Variants in SLC39A11 observed in about 807,000 individuals in gnomAD.
SLC39A11 encodes the protein solute carrier family 39 member 11, also known as zinc transporter ZIP11.
Under a neutral mutation model 36.1 loss-of-function variants are expected in SLC39A11, and 33 were observed. That is an observed-to-expected ratio of 0.91 (90% CI 0.69 to 1.22). SLC39A11 has a LOEUF of 1.22. Among genes scored for constraint, SLC39A11 ranks in the 50% most tolerant of loss-of-function variants. The pLI is 0.00. For synonymous variants in SLC39A11, 166 were observed against 170.3 expected, an observed-to-expected ratio of 0.97 and a Z score of 0.20; for missense variants, 432 against 430.3, an observed-to-expected ratio of 1.00 and a Z score of -0.03.
chr17:72,891,366 G>C lies in SLC39A11; in HGVS notation c.431-41562C>G, dbSNP rs576936064. ...AACCCGGGAGGTGATTTGGACTCTT[G>C]CTCTCCTGCCTGGACGCCCCTGCCA... On this transcript the variant is annotated intron_variant, in intron 5 of 9. Transcript: ENST00000255559. Among the ~76,000 whole-genome samples, 12 of 152,218 alleles carry C rather than the reference G, an allele frequency of 7.9e-5. No individual in the cohort carries two copies. In the South Asian group the frequency reaches 2.5e-3, roughly 32 times the overall value.
chr17:72,849,655 T>C lies in SLC39A11; in HGVS notation c.580A>G (p.Ile194Val), dbSNP rs1489842434. The C allele has an allele frequency of 3.2e-6, 5 of 1,580,632 alleles. No homozygotes were observed. In the South Asian group the frequency reaches 5.9e-5, roughly 19 times the overall value. Reference protein sequence around the residue: ...WRRIALLILAITIHNVPEGLA... With the variant: ...WRRIALLILAVTIHNVPEGLA... ...TCACCTGGAACGTTGTGTATAGTGA[T>C]GGCCAAGATGAGCAGTGCGATCCTC... The change falls in exon 6 of 10, where the codon ATC becomes GTC. Residue 194 changes from isoleucine (I) to valine (V), a missense_variant. Transcript: ENST00000255559.
chr17:72,881,965 T>A (rs1412717909), intron 5 of SLC39A11, among the ~76,000 whole-genome samples: 1 of 152,244 alleles, frequency 6.6e-6, no homozygotes, highest in Admixed American at 6.5e-5. Context: ...TCCCATGACA[T>A]CTGCTAGAGG....
rs567182168 is a variant in SLC39A11 at position 72,877,544 on chromosome 17, C to T, written c.431-27740G>A. Among the ~76,000 whole-genome samples, 8 of 152,284 alleles carry T rather than the reference C, an allele frequency of 5.3e-5. No homozygotes were observed. The South Asian group carries it at 1.7e-3, about 32-fold the overall frequency. On this transcript the variant is annotated intron_variant, in intron 5 of 9. Transcript: ENST00000255559. ...ATGCTTGATTGAAACCTACCAATTA[C>T]TTTTCCCCCCATTTGCTCATGAGAG...
chr17:72,899,635 G>A lies in SLC39A11; in HGVS notation c.430+48117C>T, dbSNP rs867214098. ...ACTGGGGAAAGGAGACAGCAGCAAG[G>A]AAAAACTCATGTAGCAGAATGCTGA... On this transcript the variant is annotated intron_variant, in intron 5 of 9. Transcript: ENST00000255559. 3.3e-4 allele frequency among the ~76,000 whole-genome samples: 51 copies of A among 152,304 alleles called. 1 individual carries two copies. The highest frequency in any genetic ancestry group is 6.8e-3 in the Middle Eastern group (2 of 292).
intron 4 of SLC39A11, among the ~76,000 whole-genome samples, chr17:72,958,633 C>T (rs2086398351): frequency 6.6e-6 from 1 of 152,136 alleles, no homozygotes; most frequent in African/African-American, 2.4e-5. Context: ...GGCATATCAC[C>T]TGGGATCAGG....
intron 6 of SLC39A11, among the ~76,000 whole-genome samples, chr17:72,797,656 C>A (rs549551562): frequency 1.3e-5 from 2 of 152,104 alleles, no homozygotes; most frequent in African/African-American, 4.8e-5. Context: ...TCGTCTAATA[C>A]CCCACTAACT....
chr17:73,034,918 G>A lies in SLC39A11; in HGVS notation c.148-3204C>T, dbSNP rs182136631. Among the ~76,000 whole-genome samples, 23 of 152,236 alleles carry A rather than the reference G, an allele frequency of 1.5e-4. No homozygotes were observed. The East Asian group carries it at 1.9e-3, about 13-fold the overall frequency. ...AATTTGGGATGCTTGCAATGCAAAC[G>A]CATCCCAGCTGATTCAGGTAAGCCC... On this transcript the variant is annotated intron_variant, in intron 3 of 9. Coordinates refer to ENST00000255559, the MANE Select transcript of SLC39A11 (RefSeq NM_139177.4).
At chr17:73,067,662 C>A (rs1443466493) in intron 3 of SLC39A11, among the ~76,000 whole-genome samples, 1 of 152,094 alleles carries the variant, frequency 6.6e-6, no homozygotes, top group African/African-American at 2.4e-5. Flanking sequence ...TAATGACCAT[C>A]TTTTATGATG....
At chr17:72,740,114 G>T (rs867369799) in intron 6 of SLC39A11, among the ~76,000 whole-genome samples, 3 of 124,484 alleles carry the variant, frequency 2.4e-5, no homozygotes, top group Non-Finnish European at 3.1e-5. Context: ...CCAGGCTGGA[G>T]TGCAGTGGCG....
At chr17:72,880,181 G>A (rs148169095) in intron 5 of SLC39A11, among the ~76,000 whole-genome samples, 64 of 152,264 alleles carry the variant, frequency 4.2e-4, no homozygotes, top group African/African-American at 1.5e-3. Context: ...ACATAGCAGG[G>A]GCTCCATGAT....
chr17:73,018,176 A>C (rs2058229411), intron 4 of SLC39A11, among the ~76,000 whole-genome samples: 1 of 152,202 alleles, frequency 6.6e-6, no homozygotes, highest in African/African-American at 2.4e-5. Flanking sequence ...GTCAGAATAA[A>C]ATCCATCACT....
intron 4 of SLC39A11, among the ~76,000 whole-genome samples, chr17:72,984,610 G>A (rs2148214439): frequency 6.6e-6 from 1 of 152,238 alleles, no homozygotes; most frequent in East Asian, 1.9e-4. Flanking sequence ...CCCATTCCAG[G>A]CCTCTGGTGG....
At chr17:72,921,990 T>G (rs913724158) in intron 5 of SLC39A11, among the ~76,000 whole-genome samples, 3 of 152,224 alleles carry the variant, frequency 2.0e-5, no homozygotes, top group Non-Finnish European at 4.4e-5. Context: ...AAAATGTTAT[T>G]ATTCAATTAT....
At chr17:72,796,669 A>G (rs1295877604) in intron 6 of SLC39A11, among the ~76,000 whole-genome samples, 1 of 152,180 alleles carries the variant, frequency 6.6e-6, no homozygotes, top group African/African-American at 2.4e-5. Flanking sequence ...CGCTGTGCCC[A>G]GAGCAAACCA....
At chr17:73,044,104 C>T (rs968722093) in intron 3 of SLC39A11, among the ~76,000 whole-genome samples, 1 of 151,896 alleles carries the variant, frequency 6.6e-6, no homozygotes, top group Non-Finnish European at 1.5e-5. Flanking sequence ...TGGGCAGGAG[C>T]TTGGCTTACA....
chr17:72,719,641 G>A (rs888250468), intron 7 of SLC39A11, among the ~76,000 whole-genome samples: 2 of 152,178 alleles, frequency 1.3e-5, no homozygotes, highest in Non-Finnish European at 2.9e-5. Context: ...AGAAGTGTGC[G>A]TCATCTCCAG....
intron 5 of SLC39A11, among the ~76,000 whole-genome samples, chr17:72,918,240 C>A (rs1259678281): frequency 6.6e-6 from 1 of 152,144 alleles, no homozygotes; most frequent in Non-Finnish European, 1.5e-5. Context: ...GAAACCTTGT[C>A]TCTACCAAAA....
intron 6 of SLC39A11, among the ~76,000 whole-genome samples, chr17:72,750,574 G>A (rs539683809): frequency 1.3e-5 from 2 of 152,082 alleles, no homozygotes; most frequent in South Asian, 2.1e-4. Flanking sequence ...CCTTCAGGAT[G>A]ATGAATAACC....
intron 3 of SLC39A11, among the ~76,000 whole-genome samples, chr17:73,063,950 G>T (rs2059921985): frequency 6.6e-6 from 1 of 152,154 alleles, no homozygotes; most frequent in South Asian, 2.1e-4. Context: ...CCTTGTTTAT[G>T]CATTTAACAG....
Sources: gnomAD v4.1 joint callset for allele counts (sites outside exome capture counted in the v4.1 genomes callset) on GRCh38, gnomAD v4.1.1 for gene constraint, MANE v1.5 for transcripts, NCBI Gene and HGNC (gene_info 2026-07-23, HGNC 2026-07-21) for gene names.